Variants in GALNT17 observed in about 807,000 individuals in gnomAD.
GALNT17 encodes the protein UDP-GalNAc:polypeptide N-acetylgalactosaminyltransferase-like 3.
A neutral mutation model predicts 63.7 loss-of-function variants in GALNT17; 29 were observed. The ratio of observed to expected loss-of-function variants is 0.46; its 90% confidence interval spans 0.34 to 0.62. The LOEUF (loss-of-function observed/expected upper bound fraction) is 0.62, where lower values mean the gene tolerates loss of function less well. Ranked by LOEUF, GALNT17 falls within the 20% of genes least tolerant of loss-of-function variation. The probability of loss-of-function intolerance (pLI) is 0.01; values close to 1 mark genes in which losing one functional copy is unlikely to be tolerated. For synonymous variants in GALNT17, 305 were observed against 318.3 expected (o/e 0.96, Z 0.45); for missense variants, 603 against 799.6 (o/e 0.75, Z 2.97).
At chr7:71,325,734 A>G (rs1791694432) in intron 1 of GALNT17, among the ~76,000 whole-genome samples, 1 of 152,164 alleles carries the variant, frequency 6.6e-6, no homozygotes, top group Non-Finnish European at 1.5e-5. Flanking sequence ...CTGAGCGGTG[A>G]TCAACCGTGT....
chr7:71,304,869 A>G (rs774262561), intron 1 of GALNT17, among the ~76,000 whole-genome samples: 3 of 151,550 alleles, frequency 2.0e-5, no homozygotes, highest in Non-Finnish European at 4.4e-5. Context: ...TCAGCCTCCC[A>G]AGTAGCTGGG....
At chr7:71,324,704 A>T (rs1048136168) in intron 1 of GALNT17, among the ~76,000 whole-genome samples, 4 of 152,158 alleles carry the variant, frequency 2.6e-5, no homozygotes, top group Non-Finnish European at 5.9e-5. Flanking sequence ...CAATTTAAAA[A>T]ATATTATATT....
intron 1 of GALNT17, among the ~76,000 whole-genome samples, chr7:71,316,895 C>A (rs1791510602): frequency 6.6e-6 from 1 of 152,160 alleles, no homozygotes; most frequent in Non-Finnish European, 1.5e-5. Flanking sequence ...GCTTTTCCCA[C>A]CAAAAACAAT....
intron 1 of GALNT17, among the ~76,000 whole-genome samples, chr7:71,263,781 C>T (rs572609048): frequency 3.8e-4 from 57 of 151,534 alleles, no homozygotes; most frequent in Non-Finnish European, 5.6e-4. Context: ...AAAAGTTAGC[C>T]GGCGTGGTGG....
At chr7:71,312,328 A>G (rs930666812) in intron 1 of GALNT17, among the ~76,000 whole-genome samples, 6 of 152,164 alleles carry the variant, frequency 3.9e-5, no homozygotes, top group African/African-American at 1.4e-4. Context: ...CCAAGTCCCA[A>G]CTTTGGGGCT....
At chr7:71,471,639 A>T (rs1787634533) in intron 5 of GALNT17, among the ~76,000 whole-genome samples, 1 of 151,808 alleles carries the variant, frequency 6.6e-6, no homozygotes, top group African/African-American at 2.4e-5. Flanking sequence ...TCCTTTTTTT[A>T]TGCTAAGCAG....
At chr7:71,158,273 G>A (rs187716794) in intron 1 of GALNT17, among the ~76,000 whole-genome samples, 12 of 151,786 alleles carry the variant, frequency 7.9e-5, no homozygotes, top group Non-Finnish European at 1.5e-4. Context: ...CTGTGGTTTC[G>A]TGGCCAAGGT....
At chr7:71,614,750 G>A (rs770652061) in intron 6 of GALNT17, among the ~76,000 whole-genome samples, 93 of 149,122 alleles carry the variant, frequency 6.2e-4, no homozygotes, top group African/African-American at 2.1e-3. Flanking sequence ...TGGAGAGAGC[G>A]AAAGAAACAG....
chr7:71,582,669 A>ATCT (rs1319568063), intron 6 of GALNT17, among the ~76,000 whole-genome samples: 1 of 152,212 alleles, frequency 6.6e-6, no homozygotes, highest in Admixed American at 6.5e-5. Flanking sequence ...ATTTGCAGCA[A>ATCT]CATGAATGAG....
Position 71,340,426 on chromosome 7 carries a change from C to T in GALNT17, c.422+4693C>T, listed in dbSNP as rs77253356. Among the ~76,000 whole-genome samples, 616 of 152,262 alleles carry T rather than the reference C, an allele frequency of 4.0e-3. 5 individuals carry two copies. Among genetic ancestry groups the T allele is most frequent in the African/African-American group, 0.014 (580 of 41,566 alleles). The stretch of plus-strand genomic sequence containing the variant: ...TTTGAAGAATCCACTTAAAATTATT[C>T]AGCCTAAGGAAAAGGCTGATAGATC... On this transcript the variant is annotated intron_variant, in intron 2 of 10. Coordinates refer to ENST00000333538, the MANE Select transcript of GALNT17 (RefSeq NM_022479.3).
intron 5 of GALNT17, among the ~76,000 whole-genome samples, chr7:71,441,254 C>G (rs931063540): frequency 2.6e-5 from 4 of 152,050 alleles, no homozygotes; most frequent in African/African-American, 9.7e-5. Flanking sequence ...ATCTCTTGAC[C>G]TCGTAATCCA....
chr7:71,484,796 G>GTT (rs1450310503), intron 5 of GALNT17, among the ~76,000 whole-genome samples: 1 of 28,014 alleles, frequency 3.6e-5, no homozygotes, highest in Non-Finnish European at 6.7e-5. Flanking sequence ...CCAGCATCAG[G>GTT]ATTTTTTTTT....
intron 5 of GALNT17, among the ~76,000 whole-genome samples, chr7:71,446,691 G>A (rs529891828): frequency 1.2e-3 from 178 of 152,260 alleles, no homozygotes; most frequent in African/African-American, 4.1e-3. Context: ...TGGGATTACA[G>A]GCATGTGCCA....
chr7:71,158,049 C>T (rs1788269357), intron 1 of GALNT17, among the ~76,000 whole-genome samples: 2 of 151,790 alleles, frequency 1.3e-5, no homozygotes, highest in South Asian at 2.1e-4. Context: ...TAGGTTGATT[C>T]CATACCTTGG....
At position 71,171,398 on chromosome 7, in the gene GALNT17, C is replaced by T. The variant is rs114912236; in HGVS notation, c.238+38358C>T. ...AGCCAGGAGTAGCTGTTACTGGGGA[C>T]GATGAGGCGGGAAGATGGCTTGAGC... On this transcript the variant is annotated intron_variant, in intron 1 of 10. Coordinates refer to ENST00000333538, the MANE Select transcript of GALNT17 (RefSeq NM_022479.3). Among the ~76,000 whole-genome samples, 1,025 of 152,192 alleles carry T rather than the reference C, an allele frequency of 6.7e-3. 12 individuals are homozygous for T. The highest frequency in any genetic ancestry group is 0.023 in the African/African-American group (938 of 41,530).
At chr7:71,577,574 G>A (rs951323509) in intron 6 of GALNT17, among the ~76,000 whole-genome samples, 1 of 152,086 alleles carries the variant, frequency 6.6e-6, no homozygotes, top group Non-Finnish European at 1.5e-5. Context: ...GCCCCTGCAG[G>A]GGTCTTCTTG....
At chr7:71,437,692 A>C (rs1563092681) in intron 5 of GALNT17, among the ~76,000 whole-genome samples, 1 of 151,970 alleles carries the variant, frequency 6.6e-6, no homozygotes, top group Non-Finnish European at 1.5e-5. Flanking sequence ...AGCCTGTTTC[A>C]GTTTTTGTTG....
At chr7:71,411,223 C>T (rs1793424247) in intron 3 of GALNT17, among the ~76,000 whole-genome samples, 1 of 152,004 alleles carries the variant, frequency 6.6e-6, no homozygotes, top group Non-Finnish European at 1.5e-5. Flanking sequence ...TGGGTTCAAG[C>T]GATTCTTCCA....
At chr7:71,493,236 G>A (rs1788038766) in intron 5 of GALNT17, among the ~76,000 whole-genome samples, 1 of 152,072 alleles carries the variant, frequency 6.6e-6, no homozygotes, top group African/African-American at 2.4e-5. Context: ...GTAGGCATGG[G>A]CTCCTCTACC....
Sources: allele counts gnomAD v4.1 joint callset (sites outside exome capture counted in the v4.1 genomes callset), GRCh38; gene constraint gnomAD v4.1.1; transcripts MANE v1.5; gene names NCBI Gene and HGNC (gene_info 2026-07-23, HGNC 2026-07-21).